The following MARCHF1 variants were observed in gnomAD, a reference collection of about 807,000 sequenced individuals.
MARCHF1 encodes the protein membrane associated ring-CH-type finger 1, also known as E3 ubiquitin-protein ligase MARCHF1.
In MARCHF1, 40 loss-of-function variants were observed where a neutral mutation model predicts 54.2. The ratio of observed to expected loss-of-function variants is 0.74; its 90% confidence interval spans 0.57 to 0.96. The LOEUF (loss-of-function observed/expected upper bound fraction) is 0.96, where lower values mean the gene tolerates loss of function less well. MARCHF1 is among the 40% of genes least tolerant of loss of function. MARCHF1 has a pLI of 0.00. For missense variants in MARCHF1, 586 were observed against 656.5 expected, an observed-to-expected ratio of 0.89 and a Z score of 1.17; for synonymous variants, 236 against 236.3, an observed-to-expected ratio of 1.00 and a Z score of 0.01.
chr4:164,109,061 C>T (rs1396629891), intron 2 of MARCHF1, among the ~76,000 whole-genome samples: 2 of 151,994 alleles, frequency 1.3e-5, no homozygotes, highest in African/African-American at 4.8e-5. Context: ...GACAATTATT[C>T]GACTGGGACC....
rs1329792834 is a variant in MARCHF1, at chr4:163,994,733, GCACACATACACACACA to G, written c.-247-6040_-247-6025del. ...TCCTGGACCTAACAGTCCTAATCAA[GCACACATACACACACA>G]CACACACACACACACACACACACAC... is the stretch of plus-strand genomic sequence containing the variant. On this transcript the variant is annotated intron_variant, in intron 2 of 9. Transcript: ENST00000514618. 6.2e-3 allele frequency among the ~76,000 whole-genome samples: 589 copies of G among 94,398 alleles called. 2 individuals are homozygous for G. The highest frequency in any genetic ancestry group is 0.022 in the African/African-American group (552 of 24,860). 61.9% of individuals were successfully genotyped at this position (94,398 alleles called of 152,430 possible).
rs1169145766 is a variant in MARCHF1, at chr4:164,135,661, G to C, written c.-322-23999C>G. The stretch of plus-strand genomic sequence containing the variant: ...ACAAGGTCCTTCCCCCAACCTGTAG[G>C]GATTACAATTCAAGATGAGAATTGG... On this transcript the variant is annotated intron_variant, in intron 1 of 9. Coordinates refer to ENST00000514618, the MANE Select transcript of MARCHF1 (RefSeq NM_001394959.1). Among the ~76,000 whole-genome samples the C allele has an allele frequency of 6.6e-5, 10 of 152,050 alleles. No individual in the cohort carries two copies. The East Asian group carries it at 1.7e-3, about 26-fold the overall frequency.
At chr4:163,783,752 G>T (rs1449789955) in intron 4 of MARCHF1, among the ~76,000 whole-genome samples, 3 of 152,114 alleles carry the variant, frequency 2.0e-5, no homozygotes, top group Non-Finnish European at 2.9e-5. Context: ...CTGTATTTTT[G>T]AACTCTCTTT....
intron 4 of MARCHF1, among the ~76,000 whole-genome samples, chr4:163,847,692 T>A (rs1749526432): frequency 6.6e-6 from 1 of 151,420 alleles, no homozygotes; most frequent in African/African-American, 2.4e-5. Flanking sequence ...GCGATTCACC[T>A]GCCTCAGTCT....
chr4:164,214,269 A>G (rs1242819610), intron 1 of MARCHF1, among the ~76,000 whole-genome samples: 2 of 152,228 alleles, frequency 1.3e-5, no homozygotes, highest in Non-Finnish European at 2.9e-5. Flanking sequence ...ACTGTGAGAC[A>G]GTAAATGGAT....
At chr4:164,302,727 G>C (rs1214836411) in intron 1 of MARCHF1, among the ~76,000 whole-genome samples, 2 of 151,808 alleles carry the variant, frequency 1.3e-5, no homozygotes, top group African/African-American at 4.8e-5. Flanking sequence ...AAATTAGCTG[G>C]GCATGGTGGC....
rs139090570 is a variant in MARCHF1, at chr4:163,903,595, T to TTTTC, written c.-38-49430_-38-49427dup. Among the ~76,000 whole-genome samples, 639 of 151,242 alleles carry TTTTC rather than the reference T, an allele frequency of 4.2e-3. 7 individuals are homozygous for TTTTC. Among genetic ancestry groups the TTTTC allele is most frequent in the South Asian group, 0.02 (96 of 4,804 alleles). ...TTTTTTATTCTCCATAAATTTTATTTTTTCTTTCTTTCTTTCTTTCTTTCT... is the reference window on the plus strand; with the variant it reads ...TTTTTTATTCTCCATAAATTTTATTTTTTCTTTCTTTCTTTCTTTCTTTCTTTCT... On this transcript the variant is annotated intron_variant, in intron 3 of 9. Transcript: ENST00000514618.
At chr4:163,542,954 G>C (rs560928678) in intron 9 of MARCHF1, among the ~76,000 whole-genome samples, 1 of 152,200 alleles carries the variant, frequency 6.6e-6, no homozygotes, top group Admixed American at 6.5e-5. Flanking sequence ...AGTGTGTGTG[G>C]TGGTGGTGGA....
intron 1 of MARCHF1, among the ~76,000 whole-genome samples, chr4:164,113,387 T>C (rs1755875989): frequency 6.6e-6 from 1 of 151,908 alleles, no homozygotes; most frequent in Non-Finnish European, 1.5e-5. Context: ...TCTATATACA[T>C]ACCTTTCTAA....
intron 1 of MARCHF1, among the ~76,000 whole-genome samples, chr4:164,116,705 A>G (rs1306587455): frequency 6.6e-6 from 1 of 152,090 alleles, no homozygotes; most frequent in African/African-American, 2.4e-5. Context: ...ATACATAGAA[A>G]GCATTTCCAG....
chr4:163,756,772 G>A (rs1210774192), intron 4 of MARCHF1, among the ~76,000 whole-genome samples: 2 of 151,838 alleles, frequency 1.3e-5, no homozygotes, highest in African/African-American at 4.8e-5. Flanking sequence ...TTTATATTCA[G>A]GTGTCTAGTA....
rs140423458 is a variant in MARCHF1 at position 163,862,002 on chromosome 4, T to C, written c.-38-7833A>G. 1.5e-3 allele frequency among the ~76,000 whole-genome samples: 228 copies of C among 152,164 alleles called. 1 individual carries two copies. Among genetic ancestry groups the C allele is most frequent in the African/African-American group, 5.0e-3 (208 of 41,566 alleles). ...TTTTCAGTCAATGGTTCTGGAACAATTGGACATTCATATGCAAAAAAATGA... is the reference window on the plus strand; with the variant it reads ...TTTTCAGTCAATGGTTCTGGAACAACTGGACATTCATATGCAAAAAAATGA... On this transcript the variant is annotated intron_variant, in intron 3 of 9. Coordinates refer to ENST00000514618, the MANE Select transcript of MARCHF1 (RefSeq NM_001394959.1).
intron 1 of MARCHF1, among the ~76,000 whole-genome samples, chr4:164,372,112 T>A (rs1011816653): frequency 2.0e-5 from 3 of 152,218 alleles, no homozygotes; most frequent in Non-Finnish European, 4.4e-5. Context: ...TATATTTCAC[T>A]CAAATGATGA....
intron 3 of MARCHF1, among the ~76,000 whole-genome samples, chr4:163,901,857 T>C (rs1366086614): frequency 1.3e-5 from 2 of 152,202 alleles, no homozygotes; most frequent in Non-Finnish European, 2.9e-5. Context: ...TGGCTCTGCC[T>C]CAAGTGTTTG....
chr4:163,587,499 A>G (rs1740447573), intron 7 of MARCHF1, among the ~76,000 whole-genome samples: 1 of 152,244 alleles, frequency 6.6e-6, no homozygotes, highest in South Asian at 2.1e-4. Flanking sequence ...CCTTATCCTA[A>G]GTGAATTAAC....
chr4:163,994,509 TG>T (rs1753029287), intron 2 of MARCHF1, among the ~76,000 whole-genome samples: 2 of 151,888 alleles, frequency 1.3e-5, no homozygotes, highest in African/African-American at 4.8e-5. Flanking sequence ...ACATGGTACA[TG>T]TATACATATG....
intron 5 of MARCHF1, among the ~76,000 whole-genome samples, chr4:163,690,231 A>C (rs1020616972): frequency 2.0e-5 from 3 of 152,206 alleles, no homozygotes; most frequent in African/African-American, 4.8e-5. Context: ...TTTCAACAAA[A>C]ATATTTTCAA....
Position 163,528,017 on chromosome 4 carries a change from C to G in MARCHF1, c.*731G>C, listed in dbSNP as rs1297875848. On this transcript the variant is annotated 3_prime_UTR_variant, in exon 10 of 10. Coordinates refer to ENST00000514618, the MANE Select transcript of MARCHF1 (RefSeq NM_001394959.1). ...TTGGACAGCACTGTATTAGAGGAAC[C>G]AGATGAAAATAAATATAAGACCTGA... 6.6e-6 allele frequency: 1 copy of G among 152,394 alleles called. No homozygotes were observed. The highest frequency in any genetic ancestry group is 1.5e-5 in the Non-Finnish European group (1 of 67,958). The allele number at this position is 152,394 out of a possible 1,614,324, so 9.4% of individuals were successfully genotyped here. A position where few individuals can be genotyped will look rare whatever the true frequency, so the allele number is the denominator to read the frequency against.
intron 5 of MARCHF1, among the ~76,000 whole-genome samples, chr4:163,699,496 T>C (rs1028432070): frequency 4.6e-5 from 7 of 152,208 alleles, no homozygotes; most frequent in Admixed American, 2.6e-4. Context: ...ATTTTTTTCT[T>C]AATGAGTTAT....
Sources: gnomAD v4.1 joint callset for allele counts (sites outside exome capture counted in the v4.1 genomes callset) on GRCh38, gnomAD v4.1.1 for gene constraint, MANE v1.5 for transcripts, NCBI Gene and HGNC (gene_info 2026-07-23, HGNC 2026-07-21) for gene names.